Variants in GPHN observed in about 807,000 individuals in gnomAD.
GPHN encodes the protein gephyrin.
Under a neutral mutation model 95.5 loss-of-function variants are expected in GPHN, and 17 were observed. The ratio of observed to expected loss-of-function variants is 0.18; its 90% CI spans 0.12 to 0.27. The LOEUF is 0.27. Ranked by LOEUF, GPHN falls within the 10% of genes least tolerant of loss-of-function variation. GPHN has a pLI of 1.00. For missense variants in GPHN, 660 were observed against 978.1 expected, an observed-to-expected ratio of 0.67 and a Z score of 4.34; for synonymous variants, 320 against 322.5, an observed-to-expected ratio of 0.99 and a Z score of 0.08.
rs367580837 is a variant in GPHN at position 67,074,835 on chromosome 14, A to G, written c.1145-14148A>G. Among the ~76,000 whole-genome samples, 24 of 152,348 alleles carry G rather than the reference A, an allele frequency of 1.6e-4. No homozygotes were observed. The East Asian group carries it at 3.1e-3, about 20-fold the overall frequency. On this transcript the variant is annotated intron_variant, in intron 11 of 22. Transcript: ENST00000478722. ...AGGTTGAGAGAGGTGAAAAAGGTAT[A>G]GAAGAAAAGTTTGAAGCCAGCAGAG...
chr14:66,885,351 T>A (rs1203629995), intron 5 of GPHN, among the ~76,000 whole-genome samples: 3 of 152,282 alleles, frequency 2.0e-5, no homozygotes, highest in East Asian at 3.9e-4. Context: ...TATGGCTTAC[T>A]GGAAAAGACT....
At chr14:67,099,021 T>C (rs28662990) in intron 12 of GPHN, among the ~76,000 whole-genome samples, 38,347 of 151,912 alleles carry the variant, frequency 0.25, 9,799 homozygotes, top group African/African-American at 0.62. Context: ...CTCTGAAAGA[T>C]GGCAAAAATA....
Position 66,887,561 on chromosome 14 carries a change from G to A in GPHN, c.389+7528G>A, listed in dbSNP as rs147831043. Among the ~76,000 whole-genome samples, 17 of 152,192 alleles carry A rather than the reference G, an allele frequency of 1.1e-4. No individual in the cohort carries two copies. In the East Asian group the frequency reaches 1.9e-3, roughly 17 times the overall value. Reference sequence around the variant, plus strand: ...CTGCACTCCAGCCTGGCGACAGAGCGAGACTCCATCTCAAAAAATAAAAAG... The same window carrying A: ...CTGCACTCCAGCCTGGCGACAGAGCAAGACTCCATCTCAAAAAATAAAAAG... On this transcript the variant is annotated intron_variant, in intron 5 of 22. Transcript: ENST00000478722.
chr14:67,222,180 C>T, the GPHN span, among the ~76,000 whole-genome samples: 12 of 152,146 alleles, frequency 7.9e-5, no homozygotes, highest in African/African-American at 2.9e-4. Context: ...TGATATATAA[C>T]GGGAATGGTC....
At chr14:67,523,005 G>GT in the GPHN span, among the ~76,000 whole-genome samples, 1 of 152,216 alleles carries the variant, frequency 6.6e-6, no homozygotes, top group Non-Finnish European at 1.5e-5. Context: ...GTACTGTGCT[G>GT]TTTTGAGAAC....
the GPHN span, among the ~76,000 whole-genome samples, chr14:67,538,515 G>A: frequency 6.6e-6 from 1 of 152,184 alleles, no homozygotes; most frequent in Non-Finnish European, 1.5e-5. Context: ...TTTTATGGGA[G>A]GTATAAGTGC....
chr14:67,380,611 C>T, the GPHN span: 1 of 1,041,176 alleles, frequency 9.6e-7, no homozygotes, highest in Non-Finnish European at 1.4e-6. Context: ...TCACATTTAT[C>T]AGTAATATAA....
rs539522323 is a variant in GPHN, at chr14:67,053,761, C to T, written c.1007-4888C>T. Among the ~76,000 whole-genome samples, 172 of 152,284 alleles carry T rather than the reference C, an allele frequency of 1.1e-3. 1 individual carries two copies. The highest frequency in any genetic ancestry group is 4.0e-3 in the African/African-American group (166 of 41,562). On this transcript the variant is annotated intron_variant, in intron 10 of 22. Transcript: ENST00000478722. ...CCAGCAGCACATCAAAAAGCTTATC[C>T]ACATGATCAAGACAGCTTCATCCCC...
At chr14:67,146,625 C>CA (rs1294153656) in intron 18 of GPHN, among the ~76,000 whole-genome samples, 1 of 152,088 alleles carries the variant, frequency 6.6e-6, no homozygotes, top group Non-Finnish European at 1.5e-5. Context: ...TAACCGATCA[C>CA]AAAAAAGGCT....
At chr14:67,097,007 C>T (rs1040804461) in intron 12 of GPHN, among the ~76,000 whole-genome samples, 1 of 152,134 alleles carries the variant, frequency 6.6e-6, no homozygotes, top group Non-Finnish European at 1.5e-5. Flanking sequence ...TTTGGTCATT[C>T]GTGCATGAAT....
At chr14:67,314,937 GTC>G in the GPHN span, among the ~76,000 whole-genome samples, 306 of 152,158 alleles carry the variant, frequency 2.0e-3, no homozygotes, top group African/African-American at 6.9e-3. Flanking sequence ...ATGAGACTTT[GTC>G]TCTACAAAAA....
chr14:67,288,843 A>G, the GPHN span, among the ~76,000 whole-genome samples: 3 of 152,074 alleles, frequency 2.0e-5, no homozygotes, highest in African/African-American at 4.8e-5. Context: ...GGTCATTCTA[A>G]TGACGGTTTT....
chr14:67,157,740 A>C (rs950588855), intron 18 of GPHN, among the ~76,000 whole-genome samples: 6 of 151,998 alleles, frequency 3.9e-5, no homozygotes, highest in African/African-American at 1.5e-4. Context: ...AGGGACAAGA[A>C]TTGCCTGAAC....
chr14:66,890,179 A>G (rs1340422837), intron 5 of GPHN, among the ~76,000 whole-genome samples: 3 of 152,198 alleles, frequency 2.0e-5, no homozygotes, highest in African/African-American at 7.2e-5. Flanking sequence ...TGGGAGGCCA[A>G]GGTGGATGGA....
chr14:66,887,948 A>G (rs1021037720), intron 5 of GPHN, among the ~76,000 whole-genome samples: 11 of 152,176 alleles, frequency 7.2e-5, no homozygotes, highest in Non-Finnish European at 1.3e-4. Context: ...AAACACTATA[A>G]CAGACATAAA....
chr14:66,987,790 G>C (rs767526484), intron 9 of GPHN, among the ~76,000 whole-genome samples: 1 of 152,000 alleles, frequency 6.6e-6, no homozygotes, highest in African/African-American at 2.4e-5. Flanking sequence ...GCATTCTTAC[G>C]TTATAGAAAG....
intron 1 of GPHN, among the ~76,000 whole-genome samples, chr14:66,627,839 G>A (rs2063581266): frequency 6.6e-6 from 1 of 151,954 alleles, no homozygotes; most frequent in African/African-American, 2.4e-5. Flanking sequence ...CACTAATAAT[G>A]GTGTGCTTCT....
the GPHN span, among the ~76,000 whole-genome samples, chr14:67,328,321 A>G: frequency 5.9e-5 from 9 of 151,914 alleles, no homozygotes; most frequent in Admixed American, 4.6e-4. Flanking sequence ...CCACTTTTTG[A>G]TGGGATTGTT....
At chr14:66,601,298 T>G (rs2062230048) in intron 1 of GPHN, among the ~76,000 whole-genome samples, 2 of 151,988 alleles carry the variant, frequency 1.3e-5, no homozygotes, top group Non-Finnish European at 2.9e-5. Flanking sequence ...AGAGGGAAGA[T>G]TATTTTGGAG....
Sources: gnomAD v4.1 joint callset for allele counts (sites outside exome capture counted in the v4.1 genomes callset) on GRCh38, gnomAD v4.1.1 for gene constraint, MANE v1.5 for transcripts, NCBI Gene and HGNC (gene_info 2026-07-23, HGNC 2026-07-21) for gene names.